DMRT1: variants seen among roughly 807,000 people sequenced by gnomAD.
DMRT1 encodes the protein doublesex- and mab-3-related transcription factor 1.
DMRT1 carries 7 observed loss-of-function variants against 32.3 expected under a neutral mutation model. The observed-to-expected ratio is 0.22, with a 90% confidence interval of 0.12 to 0.41. DMRT1 has a LOEUF of 0.41. Ranked by LOEUF, DMRT1 falls within the 10% of genes least tolerant of loss-of-function variation. The probability of loss-of-function intolerance (pLI) is 1.00; values close to 1 mark genes in which losing one functional copy is unlikely to be tolerated. For synonymous variants in DMRT1, 278 were observed against 206.1 expected, an observed-to-expected ratio of 1.35 and a Z score of -2.99; for missense variants, 625 against 500.5, an observed-to-expected ratio of 1.25 and a Z score of -2.37.
intron 2 of DMRT1, among the ~76,000 whole-genome samples, chr9:869,628 T>C (rs57240043): frequency 0.023 from 3,519 of 152,338 alleles, 130 homozygotes; most frequent in African/African-American, 0.079. Context: ...TCCCCTCTCT[T>C]GTTCTCTTTG....
intron 2 of DMRT1, among the ~76,000 whole-genome samples, chr9:868,777 A>G (rs749079903): frequency 5.3e-4 from 80 of 152,364 alleles, no homozygotes; most frequent in Non-Finnish European, 8.2e-4. Context: ...TGGAAGGCCA[A>G]GGCAGGTAGA....
chr9:864,703 T>C (rs547474206), intron 2 of DMRT1, among the ~76,000 whole-genome samples: 50 of 151,042 alleles, frequency 3.3e-4, no homozygotes, highest in African/African-American at 1.1e-3. Context: ...GGTTTCACCA[T>C]GTTAGCCAGG....
At chr9:845,042 G>C (rs1838848290) in intron 1 of DMRT1, among the ~76,000 whole-genome samples, 1 of 151,988 alleles carries the variant, frequency 6.6e-6, no homozygotes, top group Non-Finnish European at 1.5e-5. Flanking sequence ...TTTTTTAATT[G>C]AACGTTTTGA....
intron 2 of DMRT1, among the ~76,000 whole-genome samples, chr9:865,566 C>T (rs971613198): frequency 2.6e-5 from 4 of 151,996 alleles, no homozygotes; most frequent in African/African-American, 9.7e-5. Context: ...ATAGGAGGAG[C>T]AGATGAATGA....
intron 4 of DMRT1, among the ~76,000 whole-genome samples, chr9:956,906 G>T (rs1444343398): frequency 2.6e-5 from 4 of 152,190 alleles, no homozygotes; most frequent in African/African-American, 9.6e-5. Context: ...TTTGGCTTCA[G>T]GTGGGCTGCA....
At chr9:896,490 C>T (rs1817369067) in intron 3 of DMRT1, among the ~76,000 whole-genome samples, 2 of 151,992 alleles carry the variant, frequency 1.3e-5, no homozygotes, top group Non-Finnish European at 2.9e-5. Context: ...CCGGCAACCA[C>T]TGTTCTCTGA....
At chr9:873,673 TAAAG>T (rs1249761275) in intron 2 of DMRT1, among the ~76,000 whole-genome samples, 1 of 152,040 alleles carries the variant, frequency 6.6e-6, no homozygotes, top group Non-Finnish European at 1.5e-5. Flanking sequence ...ATGAGTGAAA[TAAAG>T]GAAGGGAAAC....
intron 2 of DMRT1, among the ~76,000 whole-genome samples, chr9:858,863 AAAAAAAAAT>A (rs71327349): frequency 0.36 from 36,826 of 101,870 alleles, 5,595 homozygotes; most frequent in Non-Finnish European, 0.44. Flanking sequence ...CAAAAAAAAA[AAAAAAAAAT>A]ATATATATAT....
chr9:860,632 C>T (rs1029567746), intron 2 of DMRT1, among the ~76,000 whole-genome samples: 10 of 152,120 alleles, frequency 6.6e-5, no homozygotes, highest in Non-Finnish European at 1.2e-4. Flanking sequence ...TAAACAAGTA[C>T]ATCAATAAAT....
chr9:842,373 T>C, intron 1 of DMRT1, 181 bp downstream of exon 1: 1 of 760,846 alleles, frequency 1.3e-6, no homozygotes, highest in South Asian at 1.9e-5. Flanking sequence ...TAGCTGGGAC[T>C]ACAGGCGCAC....
At chr9:872,275 C>T (rs190534338) in intron 2 of DMRT1, among the ~76,000 whole-genome samples, 1 of 151,706 alleles carries the variant, frequency 6.6e-6, no homozygotes, top group African/African-American at 2.4e-5. Context: ...GTTGGCCAGG[C>T]TGGTCTCGAA....
At chr9:846,528 TC>T (rs985826118) in intron 1 of DMRT1, among the ~76,000 whole-genome samples, 12 of 152,170 alleles carry the variant, frequency 7.9e-5, no homozygotes, top group African/African-American at 2.7e-4. Flanking sequence ...TATAGTTTTT[TC>T]CTGATCCTCC....
chr9:850,982 T>C (rs1185168085), intron 2 of DMRT1, among the ~76,000 whole-genome samples: 2 of 148,148 alleles, frequency 1.3e-5, no homozygotes, highest in Admixed American at 1.4e-4. Flanking sequence ...TGAGCTGAGA[T>C]TGTGCCATTG....
intron 4 of DMRT1, among the ~76,000 whole-genome samples, chr9:925,854 G>A (rs901554322): frequency 3.3e-5 from 5 of 152,314 alleles, no homozygotes; most frequent in East Asian, 1.9e-4. Context: ...AGTGTGGCAC[G>A]TGGAGGAACT....
chr9:967,285 T>C (rs1819960145), intron 4 of DMRT1, among the ~76,000 whole-genome samples: 1 of 152,264 alleles, frequency 6.6e-6, no homozygotes, highest in South Asian at 2.1e-4. Context: ...TTATTACTTT[T>C]GCATCCTTCA....
intron 4 of DMRT1, among the ~76,000 whole-genome samples, chr9:941,612 G>A (rs1819075224): frequency 1.3e-5 from 2 of 151,958 alleles, no homozygotes; most frequent in African/African-American, 2.4e-5. Flanking sequence ...GGAGATGGAG[G>A]GTGGTGATGG....
intron 4 of DMRT1, among the ~76,000 whole-genome samples, chr9:952,839 T>C (rs1586658871): frequency 6.6e-6 from 1 of 152,284 alleles, no homozygotes; most frequent in East Asian, 1.9e-4. Flanking sequence ...ACAGTAACAT[T>C]AAGGGTGAAA....
At position 916,868 on chromosome 9, in the gene DMRT1, T is replaced by G. The variant is rs1818201904; in HGVS notation, c.928T>G (p.Phe310Val). ...CCAGAGCGTGCCCCAGTTCTTCACT[T>G]TTGAGGATGCTCCCTCTTACCCGGA... ...LGQSVPQFFT[F>V]EDAPSYPEAR... Residue 310 changes from phenylalanine (F) to valine (V), a missense_variant, in exon 4 of 5, where the codon TTT becomes GTT. Physicochemically the swap from Phe to Val is conservative, Grantham distance 50. Transcript: ENST00000382276. 10 of 1,614,170 alleles carry G rather than the reference T, an allele frequency of 6.2e-6. No homozygotes were observed. Among genetic ancestry groups the G allele is most frequent in the Non-Finnish European group, 8.5e-6 (10 of 1,180,030 alleles).
intron 1 of DMRT1, among the ~76,000 whole-genome samples, chr9:844,774 G>A (rs1211747628): frequency 1.4e-5 from 2 of 139,066 alleles, no homozygotes; most frequent in Non-Finnish European, 3.0e-5. Context: ...AGGCTGTAGT[G>A]CAGTGGCATG....
Sources: gnomAD v4.1 joint callset for allele counts (sites outside exome capture counted in the v4.1 genomes callset) on GRCh38, gnomAD v4.1.1 for gene constraint, MANE v1.5 for transcripts, NCBI Gene and HGNC (gene_info 2026-07-23, HGNC 2026-07-21) for gene names.